The following PCDH15 variants were observed in gnomAD, a reference collection of about 807,000 sequenced individuals.
PCDH15 encodes protocadherin-15.
PCDH15 carries 129 observed loss-of-function variants against 178.5 expected under a neutral mutation model. The ratio of observed to expected loss-of-function variants is 0.72; its 90% CI spans 0.63 to 0.84. PCDH15 has a LOEUF of 0.84. PCDH15 is among the 40% of genes least tolerant of loss of function. The pLI, the probability that PCDH15 is intolerant of heterozygous loss-of-function variation, is 0.00. For synonymous variants in PCDH15, 800 were observed against 732.0 expected (o/e 1.09, Z -1.50); for missense variants, 2,230 against 2,099.9 (o/e 1.06, Z -1.21).
Position 55,290,076 on chromosome 10 carries a change from A to G in PCDH15, c.-156+29523T>C, listed in dbSNP as rs1008710741. On this transcript the variant is annotated intron_variant, in intron 1 of 5. Transcript: ENST00000458638. ...CTGTAATAAATAAATTTTTCTTTAT[A>G]AACTACCCAGTCTATGATATTTTGT... is the stretch of plus-strand genomic sequence containing the variant. 6.6e-5 allele frequency among the ~76,000 whole-genome samples: 10 copies of G among 151,862 alleles called. 1 individual carries two copies. Among genetic ancestry groups the G allele is most frequent in the African/African-American group, 2.4e-4 (10 of 41,192 alleles).
At chr10:53,848,742 T>C (rs1369729898) in intron 28 of PCDH15, among the ~76,000 whole-genome samples, 2 of 152,058 alleles carry the variant, frequency 1.3e-5, no homozygotes. Context: ...AATTCAAAGA[T>C]TCAGTTAATA....
At chr10:53,979,291 G>A (rs2090433682) in intron 21 of PCDH15, among the ~76,000 whole-genome samples, 1 of 152,212 alleles carries the variant, frequency 6.6e-6, no homozygotes, top group East Asian at 1.9e-4. Context: ...GAAGTGCAGA[G>A]TGAAGTAAGG....
intron 8 of PCDH15, among the ~76,000 whole-genome samples, chr10:54,280,117 C>T (rs924535301): frequency 1.3e-5 from 2 of 151,566 alleles, no homozygotes; most frequent in Non-Finnish European, 3.0e-5. Context: ...CAGATTATAG[C>T]CAGATAATTT....
chr10:54,803,429 A>C (rs1952724250), upstream of PCDH15, among the ~76,000 whole-genome samples: 3 of 152,190 alleles, frequency 2.0e-5, no homozygotes, highest in South Asian at 6.2e-4. Flanking sequence ...TCTTGAGTTA[A>C]GGTGGCTGGG....
intron 1 of PCDH15, among the ~76,000 whole-genome samples, chr10:54,789,747 C>T (rs751798042): frequency 6.6e-6 from 1 of 151,822 alleles, no homozygotes; most frequent in East Asian, 1.9e-4. Context: ...GACCAAAGTG[C>T]TTATTTGTTT....
At chr10:54,182,850 CT>C (rs1352250321) in intron 13 of PCDH15, among the ~76,000 whole-genome samples, 16 of 146,876 alleles carry the variant, frequency 1.1e-4, no homozygotes, top group South Asian at 2.2e-4. Flanking sequence ...AATAGCTATG[CT>C]TTTTTTTTTA....
chr10:54,718,350 C>T (rs192669587), intron 1 of PCDH15, among the ~76,000 whole-genome samples: 58 of 152,164 alleles, frequency 3.8e-4, no homozygotes, highest in Middle Eastern at 3.4e-3. Flanking sequence ...CTGAGATCTC[C>T]ATGATTCCAG....
At position 53,909,618 on chromosome 10, in the gene PCDH15, C is replaced by T. The variant is rs574399869; in HGVS notation, c.3374-6248G>A. On this transcript the variant is annotated intron_variant, in intron 25 of 37. Transcript: ENST00000644397. ...CAGAAGACGGGTGATTTCTGCATTT[C>T]CAACTGAGGTACCTAATTCATCTCA... Among the ~76,000 whole-genome samples, 7 of 152,300 alleles carry T rather than the reference C, an allele frequency of 4.6e-5. No individual in the cohort carries two copies. The East Asian group carries it at 1.4e-3, about 29-fold the overall frequency.
At chr10:54,759,569 T>G (rs1466303522) in intron 1 of PCDH15, among the ~76,000 whole-genome samples, 1 of 152,216 alleles carries the variant, frequency 6.6e-6, no homozygotes, top group Non-Finnish European at 1.5e-5. Flanking sequence ...CATCTTAATT[T>G]AGAAAATATC....
At chr10:54,918,185 T>A (rs1219306345) in intron 2 of PCDH15, among the ~76,000 whole-genome samples, 1 of 152,170 alleles carries the variant, frequency 6.6e-6, no homozygotes, top group Non-Finnish European at 1.5e-5. Flanking sequence ...CTATTAATTT[T>A]GCTTCAACTT....
intron 8 of PCDH15, among the ~76,000 whole-genome samples, chr10:54,268,322 G>A (rs560703087): frequency 6.6e-6 from 1 of 151,890 alleles, no homozygotes; most frequent in Admixed American, 6.6e-5. Context: ...ACTATAAGAA[G>A]CCTAGAATTA....
chr10:53,941,620 A>G (rs1009609749), intron 23 of PCDH15, among the ~76,000 whole-genome samples: 2 of 152,192 alleles, frequency 1.3e-5, no homozygotes, highest in Non-Finnish European at 2.9e-5. Context: ...AAGCCACTAT[A>G]AACATCTGTG....
At chr10:55,473,096 G>A (rs1175156518) in intron 2 of PCDH15, among the ~76,000 whole-genome samples, 2 of 152,114 alleles carry the variant, frequency 1.3e-5, no homozygotes, top group Non-Finnish European at 2.9e-5. Context: ...AAAGTCCTGA[G>A]TTATACAAAT....
chr10:55,551,192 G>C (rs1841996706), intron 2 of PCDH15, among the ~76,000 whole-genome samples: 1 of 152,036 alleles, frequency 6.6e-6, no homozygotes, highest in Admixed American at 6.6e-5. Context: ...TTCTCTCTTT[G>C]TCTTGTAAGG....
At chr10:54,957,838 A>T (rs1300410833) in intron 2 of PCDH15, among the ~76,000 whole-genome samples, 1 of 151,784 alleles carries the variant, frequency 6.6e-6, no homozygotes. Context: ...CATAAGAATT[A>T]TTATGAATTA....
At chr10:55,440,666 A>G (rs916091829) in intron 2 of PCDH15, among the ~76,000 whole-genome samples, 3 of 152,202 alleles carry the variant, frequency 2.0e-5, no homozygotes, top group Non-Finnish European at 4.4e-5. Context: ...CTTTCTTTAC[A>G]TAACTAACTG....
rs184214973 is a variant in PCDH15 at position 55,194,262 on chromosome 10, A to C, written c.-155-27611T>G. Among the ~76,000 whole-genome samples the C allele has an allele frequency of 8.0e-4, 121 of 152,174 alleles. No homozygotes were observed. In the East Asian group the frequency reaches 0.014, roughly 17 times the overall value. On this transcript the variant is annotated intron_variant, in intron 1 of 5. Transcript: ENST00000458638. ...ACAATTTCCCCTTGGTGTAAATAAC[A>C]GCCCTTTTCTCTCTTCATCATTCTT...
intron 3 of PCDH15, among the ~76,000 whole-genome samples, chr10:54,430,747 G>T (rs1956868415): frequency 6.6e-6 from 1 of 150,640 alleles, no homozygotes; most frequent in Non-Finnish European, 1.5e-5. Flanking sequence ...ACTTGTAGAA[G>T]AAAATAAATA....
intron 3 of PCDH15, among the ~76,000 whole-genome samples, chr10:54,476,531 C>T (rs899571777): frequency 6.6e-6 from 1 of 151,916 alleles, no homozygotes; most frequent in Admixed American, 6.6e-5. Flanking sequence ...ATTTCAGTTG[C>T]ATATATGCAT....
Sources: gnomAD v4.1 joint callset for allele counts (sites outside exome capture counted in the v4.1 genomes callset) on GRCh38, gnomAD v4.1.1 for gene constraint, MANE v1.5 for transcripts, NCBI Gene and HGNC (gene_info 2026-07-23, HGNC 2026-07-21) for gene names.